EYS: variants seen among roughly 807,000 people sequenced by gnomAD.
The protein encoded by EYS is EGF-like photoreceptor maintenance factor.
EYS carries 250 observed loss-of-function variants against 282.1 expected under a neutral mutation model. The observed-to-expected ratio is 0.89, with a 90% CI of 0.80 to 0.98. The LOEUF (loss-of-function observed/expected upper bound fraction) is 0.98. Ranked by LOEUF, EYS falls within the 50% of genes least tolerant of loss-of-function variation. The pLI, the probability that EYS is intolerant of heterozygous loss-of-function variation, is 0.00. For missense variants in EYS, 4,016 were observed against 3,709.0 expected (o/e 1.08, Z -2.15); for synonymous variants, 1,355 against 1,282.9 (o/e 1.06, Z -1.20).
chr6:64,393,935 C>G (rs1246641777), intron 28 of EYS, among the ~76,000 whole-genome samples: 6 of 151,910 alleles, frequency 3.9e-5, no homozygotes, highest in Non-Finnish European at 8.8e-5. Flanking sequence ...TCAGCAAAGT[C>G]TCAGGATACA....
chr6:64,420,953 A>G (rs1053135769), intron 28 of EYS, among the ~76,000 whole-genome samples: 1 of 151,972 alleles, frequency 6.6e-6, no homozygotes, highest in Non-Finnish European at 1.5e-5. Context: ...GAACCCTCCA[A>G]ACTATTTCAC....
intron 12 of EYS, among the ~76,000 whole-genome samples, chr6:65,157,815 A>G (rs62407231): frequency 0.29 from 42,901 of 150,322 alleles, 6,854 homozygotes; most frequent in African/African-American, 0.43. Flanking sequence ...TTATAACTTT[A>G]ACATGTTTTC....
chr6:63,798,398 C>T (rs1286305582), intron 37 of EYS, among the ~76,000 whole-genome samples: 1 of 152,102 alleles, frequency 6.6e-6, no homozygotes, highest in Non-Finnish European at 1.5e-5. Flanking sequence ...ATTTGAGGTT[C>T]TCAGGAAGAA....
intron 41 of EYS, among the ~76,000 whole-genome samples, chr6:63,754,697 G>A (rs1418013448): frequency 6.6e-6 from 1 of 152,234 alleles, no homozygotes; most frequent in South Asian, 2.1e-4. Flanking sequence ...AATCCTTTGG[G>A]TATATACCCA....
At chr6:64,100,276 T>G (rs1772781560) in intron 31 of EYS, among the ~76,000 whole-genome samples, 1 of 152,282 alleles carries the variant, frequency 6.6e-6, no homozygotes, top group African/African-American at 2.4e-5. Context: ...TTTAATTCTT[T>G]TCTTAGCTAT....
chr6:64,686,821 G>A (rs1273845711), intron 22 of EYS, among the ~76,000 whole-genome samples: 4,860 of 28,806 alleles, frequency 0.17, 1,251 homozygotes, highest in African/African-American at 0.39. Flanking sequence ...ATATATATAT[G>A]TGTATATATA....
chr6:64,864,352 A>G (rs1276886732), intron 19 of EYS, among the ~76,000 whole-genome samples: 2 of 142,850 alleles, frequency 1.4e-5, no homozygotes, highest in African/African-American at 5.1e-5. Flanking sequence ...GAAGGCAAAA[A>G]TAATTTTGAG....
At chr6:65,123,502 G>C (rs1775625641) in intron 12 of EYS, among the ~76,000 whole-genome samples, 1 of 152,028 alleles carries the variant, frequency 6.6e-6, no homozygotes, top group Non-Finnish European at 1.5e-5. Flanking sequence ...AGAAATAAAA[G>C]GTCCTTTGAA....
intron 15 of EYS, among the ~76,000 whole-genome samples, chr6:64,923,809 A>G (rs576972566): frequency 6.6e-6 from 1 of 152,328 alleles, no homozygotes; most frequent in African/African-American, 2.4e-5. Context: ...TCCATGTCAC[A>G]CTGGTGCAAG....
At chr6:65,310,611 A>G (rs971140413) in intron 11 of EYS, among the ~76,000 whole-genome samples, 5 of 152,132 alleles carry the variant, frequency 3.3e-5, no homozygotes, top group African/African-American at 1.2e-4. Context: ...CTTCTGCCTC[A>G]TCTGAACCTT....
At chr6:64,211,144 C>G (rs1179844921) in intron 31 of EYS, among the ~76,000 whole-genome samples, 1 of 152,058 alleles carries the variant, frequency 6.6e-6, no homozygotes, top group South Asian at 2.1e-4. Flanking sequence ...TGAACCCATG[C>G]CTCTAATTAA....
At chr6:64,402,140 C>G (rs900700746) in intron 28 of EYS, among the ~76,000 whole-genome samples, 4 of 152,106 alleles carry the variant, frequency 2.6e-5, no homozygotes, top group South Asian at 2.1e-4. Flanking sequence ...AAGACTTTAT[C>G]TAAGATCCAC....
intron 12 of EYS, among the ~76,000 whole-genome samples, chr6:65,153,070 T>C (rs1238426857): frequency 6.6e-6 from 1 of 151,846 alleles, no homozygotes; most frequent in African/African-American, 2.4e-5. Flanking sequence ...CAGGACCTGT[T>C]ACTGGCTTTT....
At position 65,362,492 on chromosome 6, in the gene EYS, C is replaced by T. The variant is rs140803377; in HGVS notation, c.1300-8875G>A. On this transcript the variant is annotated intron_variant, in intron 8 of 42. Coordinates refer to ENST00000503581, the MANE Select transcript of EYS (RefSeq NM_001142800.2). ...GTGCATGTGTATATATATGTGTGTG[C>T]GTGTTTGTATAAATGTATATACACA... 1.9e-3 allele frequency among the ~76,000 whole-genome samples: 284 copies of T among 151,406 alleles called. 1 individual carries two copies. Among genetic ancestry groups the T allele is most frequent in the Admixed American group, 2.8e-3 (42 of 15,172 alleles).
intron 35 of EYS, among the ~76,000 whole-genome samples, chr6:63,970,189 A>G (rs1301257270): frequency 6.6e-6 from 1 of 152,254 alleles, no homozygotes; most frequent in African/African-American, 2.4e-5. Flanking sequence ...TACTTCACTT[A>G]CAAAAGCTAA....
At chr6:65,010,897 G>C (rs1443785712) in intron 13 of EYS, among the ~76,000 whole-genome samples, 1 of 152,158 alleles carries the variant, frequency 6.6e-6, no homozygotes, top group Admixed American at 6.5e-5. Flanking sequence ...CTAAAGAGGT[G>C]GCTGTCTTAC....
intron 10 of EYS, among the ~76,000 whole-genome samples, chr6:65,337,658 A>T (rs1770039660): frequency 6.6e-6 from 1 of 150,980 alleles, no homozygotes; most frequent in Non-Finnish European, 1.5e-5. Context: ...TAGAAAGTTG[A>T]CTTGGCTATA....
chr6:64,936,507 TC>T (rs1768910709), intron 15 of EYS, among the ~76,000 whole-genome samples: 1 of 151,426 alleles, frequency 6.6e-6, no homozygotes, highest in Non-Finnish European at 1.5e-5. Context: ...CAAAATTGTC[TC>T]CATTATCAGA....
chr6:64,190,549 A>T (rs1765072038), intron 31 of EYS, among the ~76,000 whole-genome samples: 1 of 152,210 alleles, frequency 6.6e-6, no homozygotes, highest in Non-Finnish European at 1.5e-5. Context: ...AGGTTTCAAG[A>T]GATGCCAATT....
Sources: gnomAD v4.1 joint callset for allele counts (sites outside exome capture counted in the v4.1 genomes callset) on GRCh38, gnomAD v4.1.1 for gene constraint, MANE v1.5 for transcripts, NCBI Gene and HGNC (gene_info 2026-07-23, HGNC 2026-07-21) for gene names.